OR5A1: variants seen among roughly 807,000 people sequenced by gnomAD.
OR5A1 encodes the protein olfactory receptor 5A1.
In OR5A1, 6 loss-of-function variants were observed where a neutral mutation model predicts 6.7. The observed-to-expected ratio is 0.89, with a 90% CI of 0.49 to 1.76. The LOEUF (loss-of-function observed/expected upper bound fraction) is 1.76. OR5A1 is among the 40% of genes most tolerant of loss of function. OR5A1 has a pLI of 0.01. For synonymous variants in OR5A1, 170 were observed against 155.0 expected (o/e 1.10, Z -0.72); for missense variants, 378 against 381.7 (o/e 0.99, Z 0.08).
chr11:59,440,667 C>T (rs1858471958), intron 1 of OR5A1, among the ~76,000 whole-genome samples: 1 of 152,152 alleles, frequency 6.6e-6, no homozygotes, highest in African/African-American at 2.4e-5. Flanking sequence ...TGTTTTAGCT[C>T]CCAGTTTCTC....
intron 1 of OR5A1, among the ~76,000 whole-genome samples, chr11:59,438,429 A>G (rs1414374759): frequency 6.6e-6 from 1 of 152,118 alleles, no homozygotes; most frequent in Non-Finnish European, 1.5e-5. Context: ...TGAACAGTAA[A>G]CCCAGCATAC....
intron 1 of OR5A1, among the ~76,000 whole-genome samples, chr11:59,438,221 T>C (rs1315544139): frequency 6.6e-6 from 1 of 152,200 alleles, no homozygotes; most frequent in Admixed American, 6.5e-5. Context: ...CAGGTAGTCC[T>C]GAAAAACGGC....
rs35421205 is a variant in OR5A1 at position 59,444,319 on chromosome 11, GAAAAAAAAAA to G, written c.*214_*223del. 1 of 76,828 alleles carries G rather than the reference GAAAAAAAAAA, an allele frequency of 1.3e-5. No homozygotes were observed. Among genetic ancestry groups the G allele is most frequent in the East Asian group, 4.2e-4 (1 of 2,398 alleles). The allele number at this position is 76,828 out of a possible 1,614,324, so 4.8% of individuals were successfully genotyped here. On this transcript the variant is annotated 3_prime_UTR_variant, in exon 2 of 2. Coordinates refer to ENST00000641045, the MANE Select transcript of OR5A1 (RefSeq NM_001004728.2). ...GCCAAAAAGGGAAGGAATTTCTTCA[GAAAAAAAAAA>G]AAAAAAAAAAGAACCTCCCCAGGAT...
At position 59,444,027 on chromosome 11, in the gene OR5A1, A is replaced by G. The variant is rs1193016504; in HGVS notation, c.859A>G (p.Met287Val). 1 of 1,614,136 alleles carries G rather than the reference A, an allele frequency of 6.2e-7. No homozygotes were observed. Among genetic ancestry groups the G allele is most frequent in the Non-Finnish European group, 8.5e-7 (1 of 1,180,004 alleles). Residue 287 changes from methionine (M) to valine (V), a missense_variant, in exon 2 of 2, where the codon ATG becomes GTG. Met to Val is a conservative substitution (Grantham distance 21). Coordinates refer to ENST00000641045, the MANE Select transcript of OR5A1 (RefSeq NM_001004728.2). Reference protein sequence around the residue: ...VSVFYSLVIPMLNPLIYSLRN... With the variant: ...VSVFYSLVIPVLNPLIYSLRN... Reference sequence around the variant, plus strand: ...TGTTTTCTATTCATTGGTGATCCCCATGCTGAACCCTCTCATTTACAGTTT... The same window carrying G: ...TGTTTTCTATTCATTGGTGATCCCCGTGCTGAACCCTCTCATTTACAGTTT...
At position 59,445,386 on chromosome 11, in the gene OR5A1, T is replaced by G. The variant is rs1007062156; in HGVS notation, c.*1270T>G. ...AGTATTCCATGGTATGTATGTACCA[T>G]ATTTTCTTTATCCAGTCTCTCATTG... On this transcript the variant is annotated 3_prime_UTR_variant, in exon 2 of 2. Transcript: ENST00000641045. The G allele has an allele frequency of 2.6e-5, 4 of 152,174 alleles. No individual in the cohort carries two copies. Among genetic ancestry groups the G allele is most frequent in the Admixed American group, 6.5e-5 (1 of 15,268 alleles). 9.4% of individuals were successfully genotyped at this position (152,174 alleles called of 1,614,324 possible).
intron 1 of OR5A1, among the ~76,000 whole-genome samples, chr11:59,437,415 G>A (rs1398372445): frequency 6.6e-6 from 1 of 152,064 alleles, no homozygotes; most frequent in Non-Finnish European, 1.5e-5. Flanking sequence ...TGTCTTATAG[G>A]TGGAATCATA....
In OR5A1 at chr11:59,443,819, C is replaced by T. The variant is rs147488926; in HGVS notation, c.651C>T (p.Leu217=). ...TCGGAGGAACATCGTTCCTCCAACT[C>T]CTTATCTCCTATGGTTACATAGTGT... The part of the protein sequence containing the change: ...VTVGGTSFLQ[L]LISYGYIVSA... The change falls in exon 2 of 2, where the codon CTC becomes CTT. Residue 217 remains leucine, a synonymous_variant. Coordinates refer to ENST00000641045, the MANE Select transcript of OR5A1 (RefSeq NM_001004728.2). 4.5e-3 allele frequency: 7,325 copies of T among 1,614,134 alleles called. 26 individuals carry two copies. Among genetic ancestry groups the T allele is most frequent in the Non-Finnish European group, 5.6e-3 (6,624 of 1,180,024 alleles).
intron 1 of OR5A1, among the ~76,000 whole-genome samples, chr11:59,442,783 G>T (rs1858494802): frequency 6.6e-6 from 1 of 152,180 alleles, no homozygotes; most frequent in African/African-American, 2.4e-5. Flanking sequence ...CTTGTTATGT[G>T]CCAGGCACTT....
In OR5A1 at chr11:59,443,172, T is replaced by C; in HGVS notation, c.4T>C (p.Ser2Pro). ...GTCCTTGTGGTCCACGGGAAGCATG[T>C]CCATAACCAAAGCCTGGAACAGCTC... M[S>P]ITKAWNSSSV... is the part of the protein sequence containing the mutation. The change falls in exon 2 of 2, where the codon TCC becomes CCC. Residue 2 changes from serine (S) to proline (P), a missense_variant. Coordinates refer to ENST00000641045, the MANE Select transcript of OR5A1 (RefSeq NM_001004728.2). 3.1e-6 allele frequency: 5 copies of C among 1,612,884 alleles called. No homozygotes were observed. Among genetic ancestry groups the C allele is most frequent in the Non-Finnish European group, 4.2e-6 (5 of 1,179,202 alleles).
rs1858574231 is a variant in OR5A1, at chr11:59,448,172, T to C, written c.*4056T>C. On this transcript the variant is annotated 3_prime_UTR_variant, in exon 2 of 2. Coordinates refer to ENST00000641045, the MANE Select transcript of OR5A1 (RefSeq NM_001004728.2). Reference sequence around the variant, plus strand: ...GGGCTGTGGGTTGTGCAAGCTTGCTTTACATCACTCCTACCTTCCTAGAAA... The same window carrying C: ...GGGCTGTGGGTTGTGCAAGCTTGCTCTACATCACTCCTACCTTCCTAGAAA... 2 of 152,136 alleles carry C rather than the reference T, an allele frequency of 1.3e-5. No individual in the cohort carries two copies. The highest frequency in any genetic ancestry group is 1.3e-4 in the Admixed American group (2 of 15,270). 9.4% of individuals were successfully genotyped at this position (152,136 alleles called of 1,614,324 possible). A position where few individuals can be genotyped will look rare whatever the true frequency, so the allele number is the denominator to read the frequency against.
chr11:59,449,951 G>A lies in OR5A1; in HGVS notation c.*5835G>A, dbSNP rs766903495. Reference sequence around the variant, plus strand: ...TGCCTTCAGGGAGTTTACATTGGGAGGAAAAGGCAGACACACATAGACCCA... The same window carrying A: ...TGCCTTCAGGGAGTTTACATTGGGAAGAAAAGGCAGACACACATAGACCCA... On this transcript the variant is annotated 3_prime_UTR_variant, in exon 2 of 2. Transcript: ENST00000641045. The A allele has an allele frequency of 6.6e-6, 1 of 152,054 alleles. No homozygotes were observed. Among genetic ancestry groups the A allele is most frequent in the Admixed American group, 6.6e-5 (1 of 15,260 alleles). 9.4% of individuals were successfully genotyped at this position (152,054 alleles called of 1,614,324 possible).
rs751143726 is a variant in OR5A1, at chr11:59,446,825, T to C, written c.*2709T>C. 3.9e-5 allele frequency: 6 copies of C among 152,222 alleles called. No homozygotes were observed. Among genetic ancestry groups the C allele is most frequent in the Non-Finnish European group, 7.3e-5 (5 of 68,038 alleles). 9.4% of individuals were successfully genotyped at this position (152,222 alleles called of 1,614,324 possible). On this transcript the variant is annotated 3_prime_UTR_variant, in exon 2 of 2. Coordinates refer to ENST00000641045, the MANE Select transcript of OR5A1 (RefSeq NM_001004728.2). Reference sequence around the variant, plus strand: ...CACTTTTCCATTGATGTAGGTCAATTGGATAAGTAGATATTTGATTTGATT... The same window carrying C: ...CACTTTTCCATTGATGTAGGTCAATCGGATAAGTAGATATTTGATTTGATT...
chr11:59,443,928 C>T lies in OR5A1; in HGVS notation c.760C>T (p.Leu254=). The part of the protein sequence containing the change: ...CASHLMVVTL[L]FGTALFVYLR... The stretch of plus-strand genomic sequence containing the variant: ...CTCGCATCTGATGGTGGTGACTCTG[C>T]TGTTTGGGACAGCCCTTTTCGTGTA... The change falls in exon 2 of 2, where the codon CTG becomes TTG. Residue 254 remains leucine, a synonymous_variant. Transcript: ENST00000641045. 1 of 1,614,134 alleles carries T rather than the reference C, an allele frequency of 6.2e-7. No individual in the cohort carries two copies. Among genetic ancestry groups the T allele is most frequent in the Non-Finnish European group, 8.5e-7 (1 of 1,180,022 alleles).
chr11:59,442,756 T>A (rs1259832520), intron 1 of OR5A1, among the ~76,000 whole-genome samples: 1 of 152,244 alleles, frequency 6.6e-6, no homozygotes, highest in Non-Finnish European at 1.5e-5. Flanking sequence ...ACTGTCCTAA[T>A]AATTACTCAC....
chr11:59,449,973 C>T lies in OR5A1; in HGVS notation c.*5857C>T, dbSNP rs749257722. ...GGAGGAAAAGGCAGACACACATAGA[C>T]CCATAAAGGCAAGGAGTAAAAAGTG... On this transcript the variant is annotated 3_prime_UTR_variant, in exon 2 of 2. Coordinates refer to ENST00000641045, the MANE Select transcript of OR5A1 (RefSeq NM_001004728.2). The T allele has an allele frequency of 2.6e-5, 4 of 152,064 alleles. No individual in the cohort carries two copies. Among genetic ancestry groups the T allele is most frequent in the African/African-American group, 7.2e-5 (3 of 41,382 alleles). 9.4% of individuals were successfully genotyped at this position (152,064 alleles called of 1,614,324 possible). A position where few individuals can be genotyped will look rare whatever the true frequency, so the allele number is the denominator to read the frequency against.
chr11:59,438,964 A>G (rs1858452106), intron 1 of OR5A1, among the ~76,000 whole-genome samples: 1 of 152,210 alleles, frequency 6.6e-6, no homozygotes, highest in South Asian at 2.1e-4. Flanking sequence ...CTGGAAGAGC[A>G]GTATCTTGAG....
At chr11:59,436,979 C>T (rs1276200109) in intron 1 of OR5A1, 144 bp downstream of exon 1, 1 of 152,156 alleles carries the variant, frequency 6.6e-6, no homozygotes, top group Non-Finnish European at 1.5e-5. Context: ...ATTTGTCTTT[C>T]CTCAAATTCA....
At position 59,449,509 on chromosome 11, in the gene OR5A1, T is replaced by C. The variant is rs1858592107; in HGVS notation, c.*5393T>C. 6.6e-6 allele frequency: 1 copy of C among 152,120 alleles called. No individual in the cohort carries two copies. Among genetic ancestry groups the C allele is most frequent in the African/African-American group, 2.4e-5 (1 of 41,412 alleles). The allele number at this position is 152,120 out of a possible 1,614,324, so 9.4% of individuals were successfully genotyped here. On this transcript the variant is annotated 3_prime_UTR_variant, in exon 2 of 2. Transcript: ENST00000641045. ...TCAAATAAGGTAATTTTTCAAAAAT[T>C]AAAACTCATTCCATAAACATTACTA... is the stretch of plus-strand genomic sequence containing the variant.
chr11:59,443,825 C>T lies in OR5A1; in HGVS notation c.657C>T (p.Ile219=). 6.2e-7 allele frequency: 1 copy of T among 1,614,152 alleles called. No individual in the cohort carries two copies. Among genetic ancestry groups the T allele is most frequent in the East Asian group, 2.2e-5 (1 of 44,868 alleles). ...VGGTSFLQLL[I]SYGYIVSAVL... is the part of the protein sequence containing the mutation. ...GAACATCGTTCCTCCAACTCCTTAT[C>T]TCCTATGGTTACATAGTGTCTGCGG... The change falls in exon 2 of 2, where the codon ATC becomes ATT. Residue 219 remains isoleucine (I), a synonymous_variant. Coordinates refer to ENST00000641045, the MANE Select transcript of OR5A1 (RefSeq NM_001004728.2).
Sources: allele counts gnomAD v4.1 joint callset (sites outside exome capture counted in the v4.1 genomes callset), GRCh38; gene constraint gnomAD v4.1.1; transcripts MANE v1.5; gene names NCBI Gene and HGNC (gene_info 2026-07-23, HGNC 2026-07-21).